RGS6: variants seen among roughly 807,000 people sequenced by gnomAD.
RGS6 encodes regulator of G protein signaling 6.
A neutral mutation model predicts 78.5 loss-of-function variants in RGS6; 30 were observed. That is an observed-to-expected ratio of 0.38 (90% confidence interval 0.29 to 0.52). RGS6 has a LOEUF of 0.52. Ranked by LOEUF, RGS6 falls within the 20% of genes least tolerant of loss-of-function variation. The pLI is 0.85. For synonymous variants in RGS6, 206 were observed against 206.0 expected, an observed-to-expected ratio of 1.00 and a Z score of 0.00; for missense variants, 495 against 609.7, an observed-to-expected ratio of 0.81 and a Z score of 1.98.
intron 2 of RGS6, among the ~76,000 whole-genome samples, chr14:72,273,640 T>C (rs758267060): frequency 2.5e-4 from 38 of 152,218 alleles, no homozygotes; most frequent in Non-Finnish European, 8.8e-5. Context: ...AAGGCATTAG[T>C]TTCACTTAAT....
At chr14:72,516,568 C>T (rs1206628463) in intron 14 of RGS6, among the ~76,000 whole-genome samples, 6 of 152,202 alleles carry the variant, frequency 3.9e-5, no homozygotes, top group Non-Finnish European at 8.8e-5. Flanking sequence ...AAGAGCTGGG[C>T]GGCAGCATCT....
chr14:71,875,892 C>T, the RGS6 span, among the ~76,000 whole-genome samples: 2 of 152,044 alleles, frequency 1.3e-5, no homozygotes, highest in South Asian at 2.1e-4. Flanking sequence ...CTGCCTTCAT[C>T]TCATTATGTA....
At chr14:72,579,810 A>G in the RGS6 span, among the ~76,000 whole-genome samples, 2 of 152,218 alleles carry the variant, frequency 1.3e-5, no homozygotes, top group African/African-American at 4.8e-5. Flanking sequence ...TAAGGTGCCC[A>G]CCTGGAGGCC....
chr14:72,113,215 A>T (rs988854057), intron 2 of RGS6, among the ~76,000 whole-genome samples: 21 of 152,230 alleles, frequency 1.4e-4, no homozygotes, highest in South Asian at 4.1e-4. Context: ...GGTGCCTTAT[A>T]TTAGTGTACC....
At chr14:72,558,876 C>T (rs2097627640) in intron 17 of RGS6, among the ~76,000 whole-genome samples, 2 of 152,234 alleles carry the variant, frequency 1.3e-5, no homozygotes, top group African/African-American at 4.8e-5. Context: ...TATTTTTTCA[C>T]TTGGACAAAG....
intron 1 of RGS6, among the ~76,000 whole-genome samples, chr14:71,950,981 T>C (rs1467983687): frequency 6.6e-6 from 1 of 152,100 alleles, no homozygotes; most frequent in African/African-American, 2.4e-5. Flanking sequence ...GGATCAACCA[T>C]TGTGGAAGAC....
chr14:72,226,531 C>T (rs929333194), intron 2 of RGS6, among the ~76,000 whole-genome samples: 1 of 152,162 alleles, frequency 6.6e-6, no homozygotes, highest in Admixed American at 6.5e-5. Flanking sequence ...AATTTTATAT[C>T]ATGCATATGC....
intron 2 of RGS6, among the ~76,000 whole-genome samples, chr14:72,022,030 G>T (rs937752336): frequency 1.4e-4 from 21 of 152,038 alleles, no homozygotes; most frequent in African/African-American, 4.8e-4. Context: ...GCGGTATTTG[G>T]TTTTCTGTTC....
At chr14:72,095,152 T>C (rs1440877824) in intron 2 of RGS6, among the ~76,000 whole-genome samples, 1 of 151,906 alleles carries the variant, frequency 6.6e-6, no homozygotes, top group Non-Finnish European at 1.5e-5. Context: ...CTGAAGAAAA[T>C]TATGTTTGAG....
rs1300675867 is a variant in RGS6 at position 72,383,183 on chromosome 14, T to TATATATAC, written c.184+30996_184+30997insCATATATA. 1.3e-3 allele frequency among the ~76,000 whole-genome samples: 104 copies of TATATATAC among 80,000 alleles called. 4 individuals carry two copies. Among genetic ancestry groups the TATATATAC allele is most frequent in the African/African-American group, 5.6e-3 (96 of 17,110 alleles). 52.5% of individuals were successfully genotyped at this position (80,000 alleles called of 152,430 possible). A position where few individuals can be genotyped will look rare whatever the true frequency, so the allele number is the denominator to read the frequency against. On this transcript the variant is annotated intron_variant, in intron 3 of 17. Transcript: ENST00000553525. ...CAGCCATGAAAAAATTGTACATATA[T>TATATATAC]ATATATATATATATATATATATATA...
At chr14:72,185,240 G>A (rs956614436) in intron 2 of RGS6, among the ~76,000 whole-genome samples, 2 of 152,004 alleles carry the variant, frequency 1.3e-5, no homozygotes, top group Admixed American at 6.6e-5. Context: ...TTGAGAGTGG[G>A]TCTGCCTCTC....
chr14:72,451,821 C>T (rs571147835), intron 3 of RGS6, among the ~76,000 whole-genome samples: 128 of 152,182 alleles, frequency 8.4e-4, no homozygotes, highest in Non-Finnish European at 1.3e-3. Context: ...GGCGCGATCT[C>T]GGCTCACTGC....
chr14:72,337,634 G>A (rs1188105560), intron 2 of RGS6, among the ~76,000 whole-genome samples: 1 of 152,134 alleles, frequency 6.6e-6, no homozygotes, highest in African/African-American at 2.4e-5. Flanking sequence ...GCTGGGCCCA[G>A]GGGTTTTCCT....
intron 15 of RGS6, among the ~76,000 whole-genome samples, chr14:72,522,887 T>G (rs2097066944): frequency 6.6e-6 from 1 of 152,222 alleles, no homozygotes. Flanking sequence ...GGATTGGGCA[T>G]AAAGGATCTT....
At chr14:72,457,447 G>A (rs1277197242) in intron 4 of RGS6, among the ~76,000 whole-genome samples, 1 of 152,050 alleles carries the variant, frequency 6.6e-6, no homozygotes, top group African/African-American at 2.4e-5. Context: ...CTCTGCTCAG[G>A]ATAAATCTAA....
chr14:72,554,148 G>T (rs891413125), intron 17 of RGS6, among the ~76,000 whole-genome samples: 3 of 152,214 alleles, frequency 2.0e-5, no homozygotes, highest in Admixed American at 1.3e-4. Context: ...ATCCAAATGG[G>T]CATGGACATT....
chr14:72,146,571 C>T (rs2096609965), intron 2 of RGS6, among the ~76,000 whole-genome samples: 1 of 152,104 alleles, frequency 6.6e-6, no homozygotes, highest in Admixed American at 6.5e-5. Flanking sequence ...AATGGTGAGA[C>T]AGGCATAGGA....
At chr14:72,612,086 C>T in the RGS6 span, among the ~76,000 whole-genome samples, 6 of 152,304 alleles carry the variant, frequency 3.9e-5, no homozygotes, top group East Asian at 1.2e-3. Flanking sequence ...ACAGCCTGCC[C>T]TGCAATGATT....
intron 6 of RGS6, among the ~76,000 whole-genome samples, chr14:72,460,367 C>T (rs765645237): frequency 2.0e-5 from 3 of 152,234 alleles, no homozygotes; most frequent in Non-Finnish European, 4.4e-5. Context: ...CTCACACTAC[C>T]ACATTGTCTG....
Sources: allele counts gnomAD v4.1 joint callset (sites outside exome capture counted in the v4.1 genomes callset), GRCh38; gene constraint gnomAD v4.1.1; transcripts MANE v1.5; gene names NCBI Gene and HGNC (gene_info 2026-07-23, HGNC 2026-07-21).